The following METTL15 variants were observed in gnomAD, a reference collection of about 807,000 sequenced individuals.
METTL15 encodes the protein methyltransferase 15, mitochondrial 12S rRNA N4-cytidine.
A neutral mutation model predicts 38.3 loss-of-function variants in METTL15; 34 were observed. The ratio of observed to expected loss-of-function variants is 0.89; its 90% CI spans 0.68 to 1.18. METTL15 has a LOEUF of 1.18. Ranked by LOEUF, METTL15 falls within the 50% of genes most tolerant of loss-of-function variation. The probability of loss-of-function intolerance (pLI) is 0.00; values close to 1 mark genes in which losing one functional copy is unlikely to be tolerated. For synonymous variants in METTL15, 162 were observed against 170.9 expected (o/e 0.95, Z 0.41); for missense variants, 438 against 498.4 (o/e 0.88, Z 1.15).
intron 5 of METTL15, among the ~76,000 whole-genome samples, chr11:28,406,684 C>A (rs1850676952): frequency 6.6e-6 from 1 of 152,200 alleles, no homozygotes; most frequent in Admixed American, 6.6e-5. Flanking sequence ...ATTTCTTTCT[C>A]TTGCGTGATT....
chr11:28,193,844 A>G (rs1400342291), intron 3 of METTL15, among the ~76,000 whole-genome samples: 3 of 152,130 alleles, frequency 2.0e-5, no homozygotes, highest in East Asian at 3.9e-4. Context: ...TCTAAAGAAT[A>G]TTGGCTGTAA....
intron 6 of METTL15, among the ~76,000 whole-genome samples, chr11:28,319,608 C>A (rs1849391261): frequency 6.6e-6 from 1 of 152,074 alleles, no homozygotes; most frequent in Non-Finnish European, 1.5e-5. Context: ...ATTAGAACAT[C>A]TATTTCATAC....
At chr11:28,467,684 C>T (rs1218796064) in intron 6 of METTL15, among the ~76,000 whole-genome samples, 1 of 152,080 alleles carries the variant, frequency 6.6e-6, no homozygotes. Context: ...TACCAAGTGC[C>T]ATAGTAAGGA....
chr11:28,283,466 C>T (rs1267353874), intron 4 of METTL15, among the ~76,000 whole-genome samples: 1 of 152,112 alleles, frequency 6.6e-6, no homozygotes, highest in Non-Finnish European at 1.5e-5. Context: ...TTCTTAACTC[C>T]TCTTATTAGA....
At chr11:28,351,450 CACAA>C (rs1037172963) in intron 3 of METTL15, among the ~76,000 whole-genome samples, 2 of 152,174 alleles carry the variant, frequency 1.3e-5, no homozygotes, top group African/African-American at 4.8e-5. Flanking sequence ...TATTTATCAA[CACAA>C]ACAAGTAGCA....
chr11:28,505,442 C>G (rs1412806509), intron 6 of METTL15, among the ~76,000 whole-genome samples: 1 of 152,186 alleles, frequency 6.6e-6, no homozygotes, highest in African/African-American at 2.4e-5. Context: ...AATGTTCTTT[C>G]TGGTCAGCTC....
intron 6 of METTL15, among the ~76,000 whole-genome samples, chr11:28,299,324 T>C (rs908549130): frequency 1.3e-5 from 2 of 152,066 alleles, no homozygotes; most frequent in African/African-American, 4.8e-5. Flanking sequence ...ATGATTTTAG[T>C]CTTTTATAAT....
At chr11:28,311,782 TG>T (rs1171374362) in intron 6 of METTL15, among the ~76,000 whole-genome samples, 1 of 152,260 alleles carries the variant, frequency 6.6e-6, no homozygotes, top group Non-Finnish European at 1.5e-5. Flanking sequence ...TTTTAACCTT[TG>T]TTGAATGAAA....
intron 3 of METTL15, among the ~76,000 whole-genome samples, chr11:28,148,368 ACT>A (rs1030143886): frequency 3.3e-5 from 5 of 151,758 alleles, no homozygotes; most frequent in East Asian, 3.9e-4. Context: ...ATGAACAGAG[ACT>A]CTCTGAAGAG....
At chr11:28,262,463 A>G (rs1443050209) in intron 4 of METTL15, among the ~76,000 whole-genome samples, 1 of 151,742 alleles carries the variant, frequency 6.6e-6, no homozygotes, top group Non-Finnish European at 1.5e-5. Context: ...ATAGTCTTAT[A>G]TATATGTGTA....
chr11:28,485,538 G>A (rs1426162241), intron 6 of METTL15, among the ~76,000 whole-genome samples: 2 of 152,124 alleles, frequency 1.3e-5, no homozygotes, highest in African/African-American at 4.8e-5. Flanking sequence ...GAAGAGGCAG[G>A]GACATAATGA....
chr11:28,155,197 A>G (rs1316063333), intron 3 of METTL15, among the ~76,000 whole-genome samples: 2 of 152,138 alleles, frequency 1.3e-5, no homozygotes, highest in African/African-American at 2.4e-5. Flanking sequence ...TTAGGATTGT[A>G]TTAGATCCAA....
chr11:28,280,564 C>T (rs1856014926), intron 4 of METTL15, among the ~76,000 whole-genome samples: 1 of 151,426 alleles, frequency 6.6e-6, no homozygotes, highest in Non-Finnish European at 1.5e-5. Context: ...ATTTTGGAAG[C>T]TTGGCCATTG....
intron 6 of METTL15, among the ~76,000 whole-genome samples, chr11:28,492,790 G>T (rs1230054299): frequency 3.9e-5 from 6 of 152,268 alleles, no homozygotes; most frequent in African/African-American, 1.4e-4. Context: ...ATAATTTAAG[G>T]TATGTGAGGC....
At chr11:28,518,797 GA>G (rs1269286223) in intron 6 of METTL15, among the ~76,000 whole-genome samples, 5 of 152,204 alleles carry the variant, frequency 3.3e-5, no homozygotes, top group Non-Finnish European at 4.4e-5. Context: ...GGGCTCCTGT[GA>G]ATCACCACAC....
At chr11:28,451,754 G>A (rs11030341) in intron 6 of METTL15, among the ~76,000 whole-genome samples, 5 of 151,986 alleles carry the variant, frequency 3.3e-5, no homozygotes, top group Non-Finnish European at 5.9e-5. Context: ...ATTATGCAGC[G>A]TCTGCTGGTG....
At chr11:28,215,438 C>T (rs1045098679) in intron 4 of METTL15, among the ~76,000 whole-genome samples, 2 of 151,818 alleles carry the variant, frequency 1.3e-5, no homozygotes, top group African/African-American at 4.8e-5. Context: ...TGTGGCTCGC[C>T]TCTGAGGAGA....
Position 28,194,825 on chromosome 11 carries a change from GT to G in METTL15, c.271-16227del, listed in dbSNP as rs1033101386. On this transcript the variant is annotated intron_variant, in intron 3 of 6. Coordinates refer to ENST00000407364, the MANE Select transcript of METTL15 (RefSeq NM_001113528.2). Reference sequence around the variant, plus strand: ...ATAGGTGTACCTTGTGCCCCAATAGGTTTTTTTTTTCAACCCTCACCCGCCT... The same window carrying G: ...ATAGGTGTACCTTGTGCCCCAATAGGTTTTTTTTTCAACCCTCACCCGCCT... 3.2e-4 allele frequency among the ~76,000 whole-genome samples: 47 copies of G among 147,282 alleles called. 1 individual carries two copies. The highest frequency in any genetic ancestry group is 2.0e-4 in the Admixed American group (3 of 14,690).
At chr11:28,270,453 A>G (rs550464417) in intron 4 of METTL15, among the ~76,000 whole-genome samples, 7 of 152,308 alleles carry the variant, frequency 4.6e-5, no homozygotes, top group Non-Finnish European at 1.0e-4. Context: ...TTTGAGGTAC[A>G]AAATATGTAG....
Sources: gnomAD v4.1 joint callset for allele counts (sites outside exome capture counted in the v4.1 genomes callset) on GRCh38, gnomAD v4.1.1 for gene constraint, MANE v1.5 for transcripts, NCBI Gene and HGNC (gene_info 2026-07-23, HGNC 2026-07-21) for gene names.